PHYHIPL: variants seen among roughly 807,000 people sequenced by gnomAD.
The protein encoded by PHYHIPL is phytanoyl-CoA hydroxylase-interacting protein-like.
In PHYHIPL, 9 loss-of-function variants were observed where a neutral mutation model predicts 33.4. That is an observed-to-expected ratio of 0.27 (90% confidence interval 0.16 to 0.47). The LOEUF is 0.47. PHYHIPL is among the 20% of genes least tolerant of loss of function. PHYHIPL has a pLI of 0.99. For missense variants in PHYHIPL, 365 were observed against 460.7 expected, an observed-to-expected ratio of 0.79 and a Z score of 1.90; for synonymous variants, 153 against 154.1, an observed-to-expected ratio of 0.99 and a Z score of 0.05.
Position 59,229,106 on chromosome 10 carries a change from G to A in PHYHIPL, c.107-5198G>A, listed in dbSNP as rs116087358. Among the ~76,000 whole-genome samples, 381 of 152,128 alleles carry A rather than the reference G, an allele frequency of 2.5e-3. 3 individuals are homozygous for A. Among genetic ancestry groups the A allele is most frequent in the African/African-American group, 8.3e-3 (344 of 41,514 alleles). Reference sequence around the variant, plus strand: ...TATTTCAGATAAAACTGCTTTTTTGGATTAATCAAATTGGGGTATCCACTT... The same window carrying A: ...TATTTCAGATAAAACTGCTTTTTTGAATTAATCAAATTGGGGTATCCACTT... On this transcript the variant is annotated intron_variant, in intron 1 of 4. Transcript: ENST00000373880.
intron 1 of PHYHIPL, among the ~76,000 whole-genome samples, chr10:59,225,773 A>C (rs1839906373): frequency 6.6e-6 from 1 of 152,204 alleles, no homozygotes; most frequent in Non-Finnish European, 1.5e-5. Flanking sequence ...TCAGATTAAA[A>C]TCTAAGAGGA....
intron 4 of PHYHIPL, among the ~76,000 whole-genome samples, chr10:59,241,908 G>A (rs1202575659): frequency 1.3e-5 from 2 of 152,128 alleles, no homozygotes; most frequent in Non-Finnish European, 2.9e-5. Flanking sequence ...ACACCAGAAA[G>A]TATGTTCCCT....
chr10:59,185,286 G>A (rs1178514609), intron 1 of PHYHIPL, among the ~76,000 whole-genome samples: 8 of 152,186 alleles, frequency 5.3e-5, no homozygotes, highest in East Asian at 1.9e-4. Context: ...CACCGCGCCC[G>A]GCCGAACTCA....
intron 1 of PHYHIPL, among the ~76,000 whole-genome samples, chr10:59,193,107 T>C (rs185415688): frequency 1.2e-4 from 19 of 152,292 alleles, no homozygotes; most frequent in Non-Finnish European, 2.2e-4. Context: ...GTTTTTCAAC[T>C]GCTCATTAGA....
At chr10:59,236,708 C>A in intron 3 of PHYHIPL, 51 bp downstream of exon 3, 1 of 1,411,080 alleles carries the variant, frequency 7.1e-7, no homozygotes, top group Admixed American at 2.5e-5. Flanking sequence ...TCTGGGAAAG[C>A]TAATTATAGA....
intron 1 of PHYHIPL, among the ~76,000 whole-genome samples, chr10:59,203,620 A>T (rs1415962809): frequency 6.6e-6 from 1 of 152,084 alleles, no homozygotes; most frequent in Admixed American, 6.5e-5. Context: ...CTTTGTAGGG[A>T]CATGGATGAA....
chr10:59,234,322 G>T lies in PHYHIPL; in HGVS notation c.125G>T (p.Ser42Ile), dbSNP rs1210250929. 6.3e-7 allele frequency: 1 copy of T among 1,586,654 alleles called. No homozygotes were observed. The highest frequency in any genetic ancestry group is 2.3e-5 in the East Asian group (1 of 43,386). ...CDRDGNKSQD[S>I]GIAEMEELPV... ...CTTGCAGGGAACAAATCACAAGACA[G>T]TGGCATAGCAGAGATGGAAGAACTT... The change falls in exon 2 of 5, where the codon AGT (serine) becomes ATT (isoleucine). Residue 42 changes from serine to isoleucine, a missense_variant. Around this residue, in one of 4 missense-constraint regions of PHYHIPL, gnomAD observed 89 missense variants for 78.3 expected, o/e 1.14. Transcript: ENST00000373880.
intron 1 of PHYHIPL, among the ~76,000 whole-genome samples, chr10:59,191,039 C>A (rs558934188): frequency 6.6e-6 from 1 of 151,938 alleles, no homozygotes; most frequent in East Asian, 1.9e-4. Context: ...TTTATGTTAT[C>A]TATTTTCCTC....
intron 1 of PHYHIPL, among the ~76,000 whole-genome samples, chr10:59,220,193 A>G (rs574114480): frequency 1.3e-5 from 2 of 152,242 alleles, no homozygotes; most frequent in African/African-American, 4.8e-5. Flanking sequence ...TAAATAAATT[A>G]AAGTTGATCC....
intron 1 of PHYHIPL, among the ~76,000 whole-genome samples, chr10:59,228,450 G>C (rs1589290394): frequency 6.6e-6 from 1 of 151,912 alleles, no homozygotes; most frequent in African/African-American, 2.4e-5. Context: ...TTACTATTTT[G>C]AGTTTTATTA....
chr10:59,214,786 A>C (rs544695639), intron 1 of PHYHIPL, among the ~76,000 whole-genome samples: 1 of 152,212 alleles, frequency 6.6e-6, no homozygotes, highest in South Asian at 2.1e-4. Context: ...GACAAAGATC[A>C]ACCCAATAGG....
At chr10:59,239,798 A>G (rs1840336970) in intron 4 of PHYHIPL, among the ~76,000 whole-genome samples, 1 of 152,024 alleles carries the variant, frequency 6.6e-6, no homozygotes, top group African/African-American at 2.4e-5. Flanking sequence ...GGCAAATGCT[A>G]TATAGGTTGT....
At chr10:59,206,374 G>A (rs1488486168) in intron 1 of PHYHIPL, among the ~76,000 whole-genome samples, 4 of 152,162 alleles carry the variant, frequency 2.6e-5, no homozygotes, top group Non-Finnish European at 4.4e-5. Flanking sequence ...GTCTCTATCT[G>A]TCTTGATTAT....
chr10:59,244,919 G>A (rs1840596904), intron 4 of PHYHIPL, 138 bp from the exon 5 acceptor site: 1 of 836,998 alleles, frequency 1.2e-6, no homozygotes, highest in Non-Finnish European at 1.8e-6. Flanking sequence ...GTCAAAAGAT[G>A]TTGTCCCCTT....
At chr10:59,240,506 A>G (rs1211283166) in intron 4 of PHYHIPL, among the ~76,000 whole-genome samples, 1 of 152,054 alleles carries the variant, frequency 6.6e-6, no homozygotes, top group Non-Finnish European at 1.5e-5. Context: ...TTTTATAAAA[A>G]AAAAAAGTGT....
In PHYHIPL at chr10:59,244,367, C is replaced by A. The variant is rs142738765; in HGVS notation, c.597-690C>A. Among the ~76,000 whole-genome samples the A allele has an allele frequency of 2.0e-3, 300 of 151,942 alleles. 4 individuals are homozygous for A. The highest frequency in any genetic ancestry group is 6.8e-3 in the African/African-American group (280 of 41,468). ...GGATCACAAGGTCAAGAGATCAAAC[C>A]ATCCTGGCCAACGTGGTGAAACCCC... On this transcript the variant is annotated intron_variant, in intron 4 of 4. Transcript: ENST00000373880.
intron 4 of PHYHIPL, 107 bp from the exon 5 acceptor site, chr10:59,244,950 A>T: frequency 8.8e-7 from 1 of 1,132,190 alleles, no homozygotes; most frequent in South Asian, 1.6e-5. Flanking sequence ...TAAGAGAGGT[A>T]TTCAGGCCTT....
chr10:59,202,907 TTTAAAAC>T (rs1839163186), intron 1 of PHYHIPL, among the ~76,000 whole-genome samples: 1 of 152,102 alleles, frequency 6.6e-6, no homozygotes, highest in Non-Finnish European at 1.5e-5. Flanking sequence ...TTACTTAGGG[TTTAAAAC>T]CTACTATGTA....
At position 59,176,696 on chromosome 10, in the gene PHYHIPL, C is replaced by T; in HGVS notation, c.-158C>T. ...CACAGCCGTCGCCTTCGCGGCGGCT[C>T]TCCAGCCCCGCGCCTCAGCCTCGGC... is the stretch of plus-strand genomic sequence containing the variant. On this transcript the variant is annotated 5_prime_UTR_variant, in exon 1 of 5. Coordinates refer to ENST00000373880, the MANE Select transcript of PHYHIPL (RefSeq NM_032439.4). The T allele has an allele frequency of 1.5e-6, 1 of 648,780 alleles. No homozygotes were observed. Among genetic ancestry groups the T allele is most frequent in the South Asian group, 2.0e-5 (1 of 50,672 alleles). 40.2% of individuals were successfully genotyped at this position (648,780 alleles called of 1,614,324 possible). A position where few individuals can be genotyped will look rare whatever the true frequency, so the allele number is the denominator to read the frequency against.
Sources: gnomAD v4.1 joint callset for allele counts (sites outside exome capture counted in the v4.1 genomes callset) on GRCh38, gnomAD v4.1.1 for gene constraint, gnomAD v4.1.1 regional missense constraint, MANE v1.5 for transcripts, NCBI Gene and HGNC (gene_info 2026-07-23, HGNC 2026-07-21) for gene names.